Variants in SBK1 observed in about 807,000 individuals in gnomAD.
SBK1 encodes SH3 domain binding kinase 1.
Under a neutral mutation model 24.4 loss-of-function variants are expected in SBK1, and 11 were observed. The observed-to-expected ratio is 0.45, with a 90% CI of 0.28 to 0.75. The LOEUF is 0.75. Ranked by LOEUF, SBK1 falls within the 30% of genes least tolerant of loss-of-function variation. The pLI, the probability that SBK1 is intolerant of heterozygous loss-of-function variation, is 0.12. For synonymous variants in SBK1, 308 were observed against 284.4 expected, an observed-to-expected ratio of 1.08 and a Z score of -0.83; for missense variants, 467 against 620.5, an observed-to-expected ratio of 0.75 and a Z score of 2.63.
At chr16:28,265,617 A>T (rs1005816710) in intron 1 of SBK1, among the ~76,000 whole-genome samples, 2 of 151,916 alleles carry the variant, frequency 1.3e-5, no homozygotes, top group African/African-American at 4.8e-5. Context: ...AACATAAATA[A>T]TTTTTTAAAA....
chr16:28,269,180 C>T lies in SBK1; in HGVS notation c.257+9678C>T, dbSNP rs1192981507. ...TCCTGAGTAGCTGGGATTAAAAGCG[C>T]CCGCCACCATGCCTGGCTCACTTTT... On this transcript the variant is annotated intron_variant, in intron 1 of 3. Transcript: ENST00000671413. 2.0e-5 allele frequency among the ~76,000 whole-genome samples: 3 copies of T among 151,940 alleles called. No homozygotes were observed. The South Asian group carries it at 6.2e-4, about 32-fold the overall frequency.
rs2044385345 is a variant in SBK1, at chr16:28,259,707, G to A, written c.257+205G>A. 6.6e-6 allele frequency among the ~76,000 whole-genome samples: 1 copy of A among 152,124 alleles called. No homozygotes were observed. The highest frequency in any genetic ancestry group is 2.1e-4 in the South Asian group (1 of 4,834). ...TCCTATCTCCCCCACCCTAGCCCCA[G>A]AGTGGCTTTCACGTCCTCTCCCACA... On this transcript the variant is annotated intron_variant, in intron 1 of 3. Coordinates refer to the SBK1 transcript ENST00000671413. The surrounding 1 kb of genome is among the most constrained non-coding windows in gnomAD (Gnocchi z 6.0).
chr16:28,259,288 G>C lies in SBK1; in HGVS notation c.43G>C (p.Asp15His), dbSNP rs1232315104. 1 of 171,744 alleles carries C rather than the reference G, an allele frequency of 5.8e-6. No individual in the cohort carries two copies. The highest frequency in any genetic ancestry group is 1.2e-5 in the Non-Finnish European group (1 of 85,906). The allele number at this position is 171,744 out of a possible 1,614,324, so 10.6% of individuals were successfully genotyped here. The change falls in exon 1 of 4, where the codon GAC becomes CAC. Residue 15 changes from aspartate (D) to histidine (H), a missense_variant. Asp to His is a moderately conservative substitution (Grantham distance 81). Transcript: ENST00000671413. The surrounding 1 kb of genome is among the most constrained non-coding windows in gnomAD (Gnocchi z 6.0). ...CGGGCAAGTGCAGAGCCCTGAAGCC[G>C]ACGGGCTGCTGACCCTGGAGCGCCC... is the stretch of plus-strand genomic sequence containing the variant.
chr16:28,276,058 G>A (rs2044492467), intron 1 of SBK1, among the ~76,000 whole-genome samples: 1 of 152,196 alleles, frequency 6.6e-6, no homozygotes, highest in Admixed American at 6.5e-5. Context: ...TGGAAGAAGT[G>A]GAGGAGGAGG....
At chr16:28,270,254 G>A (rs2044456562) in intron 1 of SBK1, among the ~76,000 whole-genome samples, 1 of 151,674 alleles carries the variant, frequency 6.6e-6, no homozygotes, top group South Asian at 2.1e-4. Flanking sequence ...TAGAGATGAG[G>A]TTTCACCATG....
In SBK1 at chr16:28,319,114, G is replaced by T. The variant is rs764084794; in HGVS notation, c.346G>T (p.Val116Leu). The stretch of plus-strand genomic sequence containing the variant: ...CCCCTTCATCATCAAGGTCTTTGAC[G>T]TGGTCTTTGAGACAGAGGACTGCTA... The part of the protein sequence containing the change: ...SSPFIIKVFD[V>L]VFETEDCYVF... Residue 116 changes from valine to leucine, a missense_variant, in exon 3 of 4, where the codon GTG becomes TTG. This residue lies in a region of SBK1 where 123 missense variants were observed against 158.2 expected (regional missense o/e 0.78). Coordinates refer to ENST00000341901, the MANE Select transcript of SBK1 (RefSeq NM_001024401.3). The surrounding 1 kb of genome is among the most constrained non-coding windows in gnomAD (Gnocchi z 4.0). 3.1e-6 allele frequency: 5 copies of T among 1,614,018 alleles called. No individual in the cohort carries two copies. Among genetic ancestry groups the T allele is most frequent in the Non-Finnish European group, 4.2e-6 (5 of 1,179,958 alleles).
chr16:28,264,910 G>C (rs765069559), intron 1 of SBK1, among the ~76,000 whole-genome samples: 1 of 152,044 alleles, frequency 6.6e-6, no homozygotes, highest in Non-Finnish European at 1.5e-5. Flanking sequence ...CGGAAACCAA[G>C]GAAGTGTCGC....
At chr16:28,292,470 G>A, upstream of SBK1, 5 of 928,840 alleles carry the variant, frequency 5.4e-6, no homozygotes, top group Non-Finnish European at 6.4e-6. Flanking sequence ...GCGAGCCGGA[G>A]GGCGGAGCCG....
chr16:28,294,213 G>A (rs571450150), intron 1 of SBK1, among the ~76,000 whole-genome samples: 1 of 152,094 alleles, frequency 6.6e-6, no homozygotes, highest in African/African-American at 2.4e-5. Context: ...AGGCTCTACC[G>A]CATATGAGGA....
intron 1 of SBK1, among the ~76,000 whole-genome samples, chr16:28,310,754 G>A (rs1400605431): frequency 1.3e-5 from 2 of 152,174 alleles, no homozygotes; most frequent in African/African-American, 4.8e-5. Flanking sequence ...CCTGAGAACG[G>A]CCAGGCAGGT....
At chr16:28,287,952 A>G (rs1400020442), upstream of SBK1, among the ~76,000 whole-genome samples, 2 of 152,116 alleles carry the variant, frequency 1.3e-5, no homozygotes, top group Admixed American at 1.3e-4. Context: ...GCCTCTCTTC[A>G]GATGTGTTGT....
chr16:28,309,853 TGTGTGCGC>T (rs2044742483), intron 1 of SBK1, among the ~76,000 whole-genome samples: 2 of 152,180 alleles, frequency 1.3e-5, no homozygotes, highest in Non-Finnish European at 2.9e-5. Context: ...TGTGTCTGTG[TGTGTGCGC>T]ATGTGTGCAT....
At chr16:28,275,043 G>A (rs1178161429) in intron 1 of SBK1, among the ~76,000 whole-genome samples, 1 of 152,152 alleles carries the variant, frequency 6.6e-6, no homozygotes, top group Non-Finnish European at 1.5e-5. Flanking sequence ...AGTGGGAAAA[G>A]GGGCCGGGCG....
chr16:28,293,848 T>C (rs2044620015), intron 1 of SBK1, among the ~76,000 whole-genome samples: 4 of 152,258 alleles, frequency 2.6e-5, no homozygotes, highest in Admixed American at 2.6e-4. Flanking sequence ...CCTGTGACTC[T>C]GCTGCCCGAC....
chr16:28,282,054 T>C (rs1271126903), intron 1 of SBK1, among the ~76,000 whole-genome samples: 1 of 152,166 alleles, frequency 6.6e-6, no homozygotes, highest in Non-Finnish European at 1.5e-5. Context: ...GGGAAGACCC[T>C]AGCCTTGTGA....
chr16:28,288,215 C>T (rs572432883), upstream of SBK1, among the ~76,000 whole-genome samples: 5 of 152,274 alleles, frequency 3.3e-5, no homozygotes, highest in African/African-American at 1.2e-4. Context: ...GCTGCCTGTT[C>T]GAGGAGTCCT....
chr16:28,303,461 TCTTA>T (rs1488584553), intron 1 of SBK1, among the ~76,000 whole-genome samples: 3 of 151,832 alleles, frequency 2.0e-5, no homozygotes, highest in Non-Finnish European at 2.9e-5. Context: ...AGAAACCTGT[TCTTA>T]CTTCTCACTA....
At chr16:28,304,424 G>C (rs970591854) in intron 1 of SBK1, among the ~76,000 whole-genome samples, 5 of 152,108 alleles carry the variant, frequency 3.3e-5, no homozygotes, top group South Asian at 2.1e-4. Flanking sequence ...AGAGCAGTGG[G>C]ACGTTCAGGG....
At position 28,317,065 on chromosome 16, in the gene SBK1, C is replaced by T. The variant is rs901402239; in HGVS notation, c.-7-320C>T. On this transcript the variant is annotated intron_variant, in intron 1 of 3. Coordinates refer to ENST00000341901, the MANE Select transcript of SBK1 (RefSeq NM_001024401.3). This position sits in a 1 kb window ranked among gnomAD's most constrained non-coding sequence, Gnocchi z 4.2. ...CTGAATGGGAGTACCCGTGTGAACT[C>T]GGTATCTGGCTGTGTCTGTGTGACA... 2.0e-5 allele frequency among the ~76,000 whole-genome samples: 3 copies of T among 152,170 alleles called. No homozygotes were observed. The highest frequency in any genetic ancestry group is 1.9e-4 in the East Asian group (1 of 5,194).
Sources: gnomAD v4.1 joint callset for allele counts (sites outside exome capture counted in the v4.1 genomes callset) on GRCh38, gnomAD v4.1.1 for gene constraint, gnomAD v4.1.1 regional missense constraint, Gnocchi (gnomAD v3.1) non-coding constraint, MANE v1.5 for transcripts, NCBI Gene and HGNC (gene_info 2026-07-23, HGNC 2026-07-21) for gene names.